ATXN1: variants seen among roughly 807,000 people sequenced by gnomAD.
The protein encoded by ATXN1 is ataxin 1, also known as ataxin-1.
In ATXN1, 8 loss-of-function variants were observed where a neutral mutation model predicts 56.4. The observed-to-expected ratio is 0.14, with a 90% confidence interval of 0.08 to 0.26. ATXN1 has a LOEUF of 0.26. Ranked by LOEUF, ATXN1 falls within the 10% of genes least tolerant of loss-of-function variation. The pLI is 1.00. For missense variants in ATXN1, 987 were observed against 1,106.5 expected (o/e 0.89, Z 1.53); for synonymous variants, 514 against 494.6 (o/e 1.04, Z -0.52).
intron 6 of ATXN1, among the ~76,000 whole-genome samples, chr6:16,401,358 T>C (rs1299518327): frequency 6.6e-6 from 1 of 152,156 alleles, no homozygotes; most frequent in Admixed American, 6.5e-5. Flanking sequence ...TTTGGGAAGC[T>C]GAGGCAGGAG....
chr6:16,548,151 C>T lies in ATXN1; in HGVS notation c.-360-25463G>A, dbSNP rs554156773. 8.5e-5 allele frequency among the ~76,000 whole-genome samples: 13 copies of T among 152,304 alleles called. No homozygotes were observed. In the South Asian group the frequency reaches 2.5e-3, roughly 29 times the overall value. The stretch of plus-strand genomic sequence containing the variant: ...CTGCATGATACTGTACTGAATACTG[C>T]AGGCAAATGTATTACAATGGTAAGT... On this transcript the variant is annotated intron_variant, in intron 4 of 7. Coordinates refer to ENST00000436367, the MANE Select transcript of ATXN1 (RefSeq NM_001128164.2).
At chr6:16,594,084 T>C (rs1372465494) in intron 3 of ATXN1, among the ~76,000 whole-genome samples, 1 of 149,276 alleles carries the variant, frequency 6.7e-6, no homozygotes, top group Non-Finnish European at 1.5e-5. Context: ...TATATATTAG[T>C]CTACAGGGAT....
intron 7 of ATXN1, among the ~76,000 whole-genome samples, chr6:16,318,698 C>A (rs1760571664): frequency 6.6e-6 from 1 of 152,204 alleles, no homozygotes; most frequent in African/African-American, 2.4e-5. Flanking sequence ...TAAACCCACA[C>A]CCTAGCACCG....
intron 3 of ATXN1, among the ~76,000 whole-genome samples, chr6:16,610,488 T>C (rs934788778): frequency 5.9e-5 from 9 of 151,656 alleles, no homozygotes; most frequent in Non-Finnish European, 4.4e-5. Flanking sequence ...TTTCTGACAA[T>C]AGAAGAAATA....
intron 6 of ATXN1, among the ~76,000 whole-genome samples, chr6:16,390,680 T>TACACACACACACACACACACACACACA (rs60238072): frequency 6.8e-6 from 1 of 147,158 alleles, no homozygotes; most frequent in African/African-American, 2.5e-5. Flanking sequence ...AATAAACACA[T>TACACACACACACACACACACACACACA]CACACACACA....
chr6:16,565,299 C>T (rs948874436), intron 4 of ATXN1, among the ~76,000 whole-genome samples: 3 of 152,166 alleles, frequency 2.0e-5, no homozygotes, highest in Non-Finnish European at 4.4e-5. Context: ...GTCCTCCAAA[C>T]CAATCCACCT....
chr6:16,662,677 G>C (rs1328483951), intron 2 of ATXN1, among the ~76,000 whole-genome samples: 1 of 152,134 alleles, frequency 6.6e-6, no homozygotes, highest in Non-Finnish European at 1.5e-5. Context: ...TACAATTCTT[G>C]CATCTTTGAT....
At chr6:16,348,104 A>G (rs921727470) in intron 6 of ATXN1, among the ~76,000 whole-genome samples, 2 of 152,230 alleles carry the variant, frequency 1.3e-5, no homozygotes, top group African/African-American at 2.4e-5. Flanking sequence ...TGAGACCAAG[A>G]ACGCACCTAA....
At chr6:16,502,085 A>C (rs1760896143) in intron 5 of ATXN1, among the ~76,000 whole-genome samples, 1 of 152,236 alleles carries the variant, frequency 6.6e-6, no homozygotes. Flanking sequence ...TGGTTAGATG[A>C]GAAAAGTTTT....
intron 6 of ATXN1, among the ~76,000 whole-genome samples, chr6:16,341,514 A>ATTTT (rs1180798356): frequency 3.3e-5 from 4 of 122,704 alleles, no homozygotes; most frequent in Non-Finnish European, 3.4e-5. Context: ...GGTATAGAGG[A>ATTTT]TTTTTTTTTT....
At chr6:16,545,955 G>A (rs1761807369) in intron 4 of ATXN1, among the ~76,000 whole-genome samples, 1 of 152,202 alleles carries the variant, frequency 6.6e-6, no homozygotes, top group Admixed American at 6.6e-5. Context: ...CGTATTAGCT[G>A]TTAAGAAATA....
chr6:16,400,563 T>C (rs796851450), intron 6 of ATXN1, among the ~76,000 whole-genome samples: 20 of 152,372 alleles, frequency 1.3e-4, no homozygotes, highest in African/African-American at 4.8e-4. Context: ...AGTGACTATG[T>C]GGATGACATC....
At chr6:16,548,364 C>T (rs541877062) in intron 4 of ATXN1, among the ~76,000 whole-genome samples, 26 of 152,174 alleles carry the variant, frequency 1.7e-4, no homozygotes, top group African/African-American at 7.2e-5. Context: ...CTGTACACTA[C>T]TGCAGACTTT....
intron 6 of ATXN1, among the ~76,000 whole-genome samples, chr6:16,371,149 G>A (rs768132209): frequency 5.3e-5 from 8 of 152,196 alleles, no homozygotes; most frequent in East Asian, 3.9e-4. Context: ...GCATACCATC[G>A]TCTAAGAATA....
At chr6:16,732,178 A>AT (rs1760003601) in intron 2 of ATXN1, among the ~76,000 whole-genome samples, 1 of 152,240 alleles carries the variant, frequency 6.6e-6, no homozygotes, top group Non-Finnish European at 1.5e-5. Flanking sequence ...CCAAGCAAAA[A>AT]GATGAGATAG....
intron 6 of ATXN1, among the ~76,000 whole-genome samples, chr6:16,351,713 T>C (rs909317294): frequency 7.2e-5 from 11 of 152,150 alleles, no homozygotes; most frequent in African/African-American, 1.9e-4. Context: ...CATTCTTGAG[T>C]ATGCTGGATC....
intron 6 of ATXN1, among the ~76,000 whole-genome samples, chr6:16,416,277 T>C (rs1346993410): frequency 1.3e-5 from 2 of 152,216 alleles, no homozygotes; most frequent in Non-Finnish European, 2.9e-5. Context: ...GAAGGATCTC[T>C]CAATATAGAT....
intron 7 of ATXN1, among the ~76,000 whole-genome samples, chr6:16,324,358 G>A (rs988168674): frequency 2.0e-5 from 3 of 151,944 alleles, no homozygotes; most frequent in Non-Finnish European, 4.4e-5. Context: ...GGTTGGGGTG[G>A]GAGGATCGCT....
rs111919785 is a variant in ATXN1 at position 16,639,602 on chromosome 6, T to C, written c.-489+18174A>G. On this transcript the variant is annotated intron_variant, in intron 3 of 7. Transcript: ENST00000436367. ...GTGCTGGGATTACAGGCCTGAGCCA[T>C]TGCGCCCGGCCCCTGGGTTTCTTTC... Among the ~76,000 whole-genome samples, 5 of 150,628 alleles carry C rather than the reference T, an allele frequency of 3.3e-5. 1 individual carries two copies. Among genetic ancestry groups the C allele is most frequent in the African/African-American group, 1.2e-4 (5 of 41,452 alleles).
Sources: allele counts gnomAD v4.1 joint callset (sites outside exome capture counted in the v4.1 genomes callset), GRCh38; gene constraint gnomAD v4.1.1; transcripts MANE v1.5; gene names NCBI Gene and HGNC (gene_info 2026-07-23, HGNC 2026-07-21).